The following TBC1D1 variants were observed in gnomAD, a reference collection of about 807,000 sequenced individuals.
TBC1D1 encodes TBC1 (tre-2/USP6, BUB2, cdc16) domain family, member 1.
A neutral mutation model predicts 125.6 loss-of-function variants in TBC1D1; 89 were observed. That is an observed-to-expected ratio of 0.71 (90% CI 0.60 to 0.85). TBC1D1 has a LOEUF of 0.85. Among genes scored for constraint, TBC1D1 ranks in the 40% least tolerant of loss-of-function variants. The probability of loss-of-function intolerance (pLI) is 0.00; values close to 1 mark genes in which losing one functional copy is unlikely to be tolerated. For missense variants in TBC1D1, 1,377 were observed against 1,469.2 expected, an observed-to-expected ratio of 0.94 and a Z score of 1.03; for synonymous variants, 565 against 564.1, an observed-to-expected ratio of 1.00 and a Z score of -0.02.
In TBC1D1 at chr4:38,014,175, C is replaced by T. The variant is rs1391981073; in HGVS notation, c.418-334C>T. On this transcript the variant is annotated intron_variant, in intron 2 of 19. Transcript: ENST00000261439. The surrounding 1 kb of genome is among the most constrained non-coding windows in gnomAD (Gnocchi z 5.1). ...AGTGGGACCAGCCTGGGCTTGAATC[C>T]AAGGCCTGCTAGGTTGGGCTGTGTG... 6.6e-6 allele frequency among the ~76,000 whole-genome samples: 1 copy of T among 152,168 alleles called. No homozygotes were observed. Among genetic ancestry groups the T allele is most frequent in the South Asian group, 2.1e-4 (1 of 4,826 alleles).
chr4:37,927,131 G>GA (rs55788624), intron 2 of TBC1D1, among the ~76,000 whole-genome samples: 2 of 149,810 alleles, frequency 1.3e-5, no homozygotes, highest in Non-Finnish European at 1.5e-5. Flanking sequence ...AAAAGAAAAG[G>GA]AAAAAAAAAG....
At chr4:38,117,205 G>A (rs889868541) in intron 16 of TBC1D1, among the ~76,000 whole-genome samples, 2 of 152,154 alleles carry the variant, frequency 1.3e-5, no homozygotes, top group African/African-American at 4.8e-5. Flanking sequence ...CTCTGAAAAC[G>A]GTTTTGTTTT....
In TBC1D1 at chr4:38,019,093, T is replaced by A. The variant is rs148547780; in HGVS notation, c.972+650T>A. Among the ~76,000 whole-genome samples the A allele has an allele frequency of 3.6e-3, 542 of 152,256 alleles. 3 individuals are homozygous for A. Among genetic ancestry groups the A allele is most frequent in the Non-Finnish European group, 5.6e-3 (381 of 67,962 alleles). On this transcript the variant is annotated intron_variant, in intron 4 of 19. Transcript: ENST00000261439. ...GTTTCATAGAGGGATTTTGGAAGAA[T>A]CTATCAATTAAGATTAGCTGTGCCA...
chr4:38,028,130 C>CAAACAAA (rs1553921317), intron 7 of TBC1D1, among the ~76,000 whole-genome samples: 1 of 150,250 alleles, frequency 6.7e-6, no homozygotes, highest in African/African-American at 2.5e-5. Context: ...AACAAACAAA[C>CAAACAAA]AAAAAAAACA....
chr4:37,903,534 A>T (rs193031300), intron 2 of TBC1D1, among the ~76,000 whole-genome samples: 31 of 152,314 alleles, frequency 2.0e-4, no homozygotes, highest in South Asian at 4.1e-4. Context: ...ACTGTCAGTG[A>T]AGCCTTGAAA....
At chr4:37,937,177 C>T (rs948035812) in intron 2 of TBC1D1, among the ~76,000 whole-genome samples, 2 of 152,188 alleles carry the variant, frequency 1.3e-5, no homozygotes, top group African/African-American at 4.8e-5. Flanking sequence ...GACCCTGTGA[C>T]TTGACATTAT....
chr4:38,095,834 C>A (rs1759225303), intron 13 of TBC1D1, 95 bp from the exon 16 acceptor site: 2 of 1,295,940 alleles, frequency 1.5e-6, no homozygotes, highest in Admixed American at 2.3e-5. Context: ...AACTGCTTGA[C>A]GTCTCAGCGG....
intron 12 of TBC1D1, among the ~76,000 whole-genome samples, chr4:38,083,196 A>G (rs1295977349): frequency 6.6e-6 from 1 of 152,204 alleles, no homozygotes; most frequent in Non-Finnish European, 1.5e-5. Context: ...TTAAAGTGCT[A>G]AAGAATGTAT....
intron 2 of TBC1D1, among the ~76,000 whole-genome samples, chr4:37,980,474 A>C (rs557042884): frequency 5.6e-4 from 85 of 152,368 alleles, no homozygotes; most frequent in African/African-American, 2.0e-3. Context: ...CTATGCCTCC[A>C]TGTATCTGTT....
chr4:38,064,597 G>A (rs1021226678), intron 12 of TBC1D1, among the ~76,000 whole-genome samples: 11 of 151,758 alleles, frequency 7.2e-5, no homozygotes, highest in African/African-American at 2.4e-4. Flanking sequence ...AGGGCCACAG[G>A]TTGGTAGCAT....
chr4:38,133,010 G>A, intron 18 of TBC1D1, 74 bp from the exon 21 acceptor site: 1 of 1,398,660 alleles, frequency 7.1e-7, no homozygotes, highest in Non-Finnish European at 9.8e-7. Context: ...GCATTGTCGT[G>A]ATTGCAGACG....
At chr4:38,060,721 G>A (rs2152496354) in intron 12 of TBC1D1, 1 of 1,064,472 alleles carries the variant, frequency 9.4e-7, no homozygotes, top group East Asian at 6.0e-5. Flanking sequence ...TTGATTAAGA[G>A]GCTTTCTTCA....
intron 2 of TBC1D1, among the ~76,000 whole-genome samples, chr4:37,949,677 A>T (rs1319353155): frequency 6.6e-6 from 1 of 152,212 alleles, no homozygotes; most frequent in Non-Finnish European, 1.5e-5. Context: ...GACGTTCTAC[A>T]TGAGAGGTCA....
At chr4:38,055,269 GAGCT>G (rs1751496150) in intron 12 of TBC1D1, among the ~76,000 whole-genome samples, 1 of 152,116 alleles carries the variant, frequency 6.6e-6, no homozygotes, top group African/African-American at 2.4e-5. Flanking sequence ...CATGTCTGAC[GAGCT>G]ACCCGCTGTA....
chr4:37,989,805 C>A (rs1011716391), intron 2 of TBC1D1, among the ~76,000 whole-genome samples: 3 of 152,140 alleles, frequency 2.0e-5, no homozygotes, highest in Admixed American at 1.3e-4. Context: ...GGGTTAGTTC[C>A]CCTTCCCTGA....
At chr4:38,053,874 C>T (rs1578452328) in intron 11 of TBC1D1, among the ~76,000 whole-genome samples, 1 of 152,212 alleles carries the variant, frequency 6.6e-6, no homozygotes, top group Non-Finnish European at 1.5e-5. Flanking sequence ...CCCCCTTTCC[C>T]CCTTTAGGCA....
intron 12 of TBC1D1, among the ~76,000 whole-genome samples, chr4:38,078,123 CAAA>C (rs2152520911): frequency 6.6e-6 from 1 of 152,278 alleles, no homozygotes; most frequent in African/African-American, 2.4e-5. Flanking sequence ...GCTGTGAATT[CAAA>C]AGAAAGGACA....
At chr4:38,053,521 GTCTGA>G (rs1443844270) in intron 11 of TBC1D1, among the ~76,000 whole-genome samples, 2 of 152,340 alleles carry the variant, frequency 1.3e-5, no homozygotes, top group Admixed American at 6.5e-5. Context: ...AAATCAGGAT[GTCTGA>G]TCTGTTCAGG....
chr4:37,986,489 A>G (rs1459719124), intron 2 of TBC1D1, among the ~76,000 whole-genome samples: 2 of 152,184 alleles, frequency 1.3e-5, no homozygotes, highest in Non-Finnish European at 2.9e-5. Flanking sequence ...TCTGTTGCCC[A>G]GGCTGGATTG....
Sources: gnomAD v4.1 joint callset for allele counts (sites outside exome capture counted in the v4.1 genomes callset) on GRCh38, gnomAD v4.1.1 for gene constraint, Gnocchi (gnomAD v3.1) non-coding constraint, MANE v1.5 for transcripts, NCBI Gene and HGNC (gene_info 2026-07-23, HGNC 2026-07-21) for gene names.